Variants in PAX7 observed in about 807,000 individuals in gnomAD.
PAX7 encodes paired box 7.
A neutral mutation model predicts 50.7 loss-of-function variants in PAX7; 18 were observed. That is an observed-to-expected ratio of 0.36 (90% CI 0.25 to 0.53). The LOEUF is 0.53. Among genes scored for constraint, PAX7 ranks in the 20% least tolerant of loss-of-function variants. PAX7 has a pLI of 0.93. For synonymous variants in PAX7, 310 were observed against 290.4 expected (o/e 1.07, Z -0.69); for missense variants, 644 against 702.9 (o/e 0.92, Z 0.95).
chr1:18,732,481 C>A (rs1350825469), intron 7 of PAX7, among the ~76,000 whole-genome samples: 1 of 152,212 alleles, frequency 6.6e-6, no homozygotes, highest in Non-Finnish European at 1.5e-5. Flanking sequence ...CATAGTCCAG[C>A]CCTAGCTCCA....
chr1:18,656,200 T>C (rs2088516831), intron 4 of PAX7, among the ~76,000 whole-genome samples: 1 of 152,156 alleles, frequency 6.6e-6, no homozygotes, highest in Non-Finnish European at 1.5e-5. Flanking sequence ...TGATCTAAAA[T>C]GTAAGAGGCA....
intron 4 of PAX7, among the ~76,000 whole-genome samples, chr1:18,650,040 C>G (rs2100454690): frequency 6.6e-6 from 1 of 152,252 alleles, no homozygotes; most frequent in South Asian, 2.1e-4. Flanking sequence ...AGTGAAAAAA[C>G]AGCCTGTTTC....
intron 7 of PAX7, among the ~76,000 whole-genome samples, chr1:18,708,235 C>T (rs1207791112): frequency 1.3e-5 from 2 of 152,074 alleles, no homozygotes; most frequent in Non-Finnish European, 2.9e-5. Flanking sequence ...GGGCTGAGGG[C>T]CAGTTACTTG....
chr1:18,677,018 C>T (rs1022377455), intron 4 of PAX7, among the ~76,000 whole-genome samples: 1 of 152,210 alleles, frequency 6.6e-6, no homozygotes, highest in African/African-American at 2.4e-5. Flanking sequence ...AGCCAGCCCA[C>T]GGGCTCCTGG....
At chr1:18,692,573 G>A (rs1408322381) in intron 5 of PAX7, among the ~76,000 whole-genome samples, 6 of 152,040 alleles carry the variant, frequency 3.9e-5, no homozygotes, top group Admixed American at 2.6e-4. Context: ...AGGGAGGGAG[G>A]GAGGGCATTA....
At chr1:18,699,808 G>T (rs928672204) in intron 5 of PAX7, among the ~76,000 whole-genome samples, 2 of 151,996 alleles carry the variant, frequency 1.3e-5, no homozygotes, top group Non-Finnish European at 2.9e-5. Flanking sequence ...TGATCCGCCC[G>T]CCTCGGCCTC....
intron 7 of PAX7, among the ~76,000 whole-genome samples, chr1:18,729,762 T>C (rs2089621958): frequency 6.6e-6 from 1 of 152,076 alleles, no homozygotes; most frequent in African/African-American, 2.4e-5. Flanking sequence ...CTTCTTCCTA[T>C]AGGGGAGCAC....
chr1:18,656,074 C>T (rs1023250329), intron 4 of PAX7, among the ~76,000 whole-genome samples: 1 of 152,130 alleles, frequency 6.6e-6, no homozygotes, highest in African/African-American at 2.4e-5. Context: ...ATTGTCATAA[C>T]GGACCCATTT....
chr1:18,725,315 C>T (rs764678529), intron 7 of PAX7, among the ~76,000 whole-genome samples: 2 of 143,946 alleles, frequency 1.4e-5, no homozygotes, highest in Admixed American at 7.1e-5. Flanking sequence ...CCCCCCCCGC[C>T]CCACCAACAC....
In PAX7 at chr1:18,631,359, T is replaced by G. The variant is rs556545953; in HGVS notation, c.-245T>G. On this transcript the variant is annotated 5_prime_UTR_variant, in exon 1 of 9. Coordinates refer to ENST00000420770, the MANE Select transcript of PAX7 (RefSeq NM_001135254.2). Reference sequence around the variant, plus strand: ...GGAGTGTTTGTTTGTTTGAACTTCCTCGTCGTCGCCACCTTCCCTCCCCCC... The same window carrying G: ...GGAGTGTTTGTTTGTTTGAACTTCCGCGTCGTCGCCACCTTCCCTCCCCCC... The G allele has an allele frequency of 8.1e-5, 42 of 515,516 alleles. No individual in the cohort carries two copies. In the Admixed American group the frequency reaches 1.1e-3, roughly 13 times the overall value. 31.9% of individuals were successfully genotyped at this position (515,516 alleles called of 1,614,324 possible).
chr1:18,730,304 G>C (rs2089630477), intron 7 of PAX7, among the ~76,000 whole-genome samples: 1 of 152,170 alleles, frequency 6.6e-6, no homozygotes, highest in African/African-American at 2.4e-5. Flanking sequence ...CTGCAGGAAA[G>C]CCCTTCTGAG....
intron 7 of PAX7, among the ~76,000 whole-genome samples, chr1:18,713,341 A>T (rs2089378942): frequency 6.6e-6 from 1 of 152,184 alleles, no homozygotes; most frequent in South Asian, 2.1e-4. Context: ...TACTTGGCAC[A>T]CAAAATCTTG....
intron 7 of PAX7, among the ~76,000 whole-genome samples, chr1:18,721,432 C>G (rs1349827767): frequency 1.3e-5 from 2 of 152,228 alleles, no homozygotes; most frequent in African/African-American, 4.8e-5. Flanking sequence ...GTTCCTCCCT[C>G]TCCCTCGACC....
At chr1:18,715,945 C>T (rs1200261456) in intron 7 of PAX7, among the ~76,000 whole-genome samples, 1 of 152,134 alleles carries the variant, frequency 6.6e-6, no homozygotes, top group Non-Finnish European at 1.5e-5. Context: ...CACTCATTTC[C>T]CATCTTCTTT....
chr1:18,734,650 G>A (rs894585654), intron 7 of PAX7, among the ~76,000 whole-genome samples: 1 of 152,144 alleles, frequency 6.6e-6, no homozygotes, highest in African/African-American at 2.4e-5. Flanking sequence ...GCCCTCCTCT[G>A]TGTCCTTTGA....
rs777816122 is a variant in PAX7 at position 18,691,767 on chromosome 1, C to T, written c.600C>T (p.Asp200=). 7.6e-6 allele frequency: 12 copies of T among 1,581,506 alleles called. No homozygotes were observed. Among genetic ancestry groups the T allele is most frequent in the African/African-American group, 2.7e-5 (2 of 74,208 alleles). The stretch of plus-strand genomic sequence containing the variant: ...CTCCGGCTGTAGGGAACCGGCTGGA[C>T]GAGGGCTCGGATGTGGAGTCGGAAC... ...GILGDKGNRL[D]EGSDVESEPD... Residue 200 remains aspartate (D), a synonymous_variant, in exon 5 of 9, where the codon GAC becomes GAT. Transcript: ENST00000420770.
chr1:18,670,220 C>T (rs2088723893), intron 4 of PAX7, among the ~76,000 whole-genome samples: 1 of 152,132 alleles, frequency 6.6e-6, no homozygotes, highest in Non-Finnish European at 1.5e-5. Context: ...CCTTGTAGAG[C>T]CATGGCAAGG....
chr1:18,642,545 A>C (rs2088271978), intron 4 of PAX7, among the ~76,000 whole-genome samples: 1 of 152,184 alleles, frequency 6.6e-6, no homozygotes, highest in African/African-American at 2.4e-5. Context: ...TGCAGACTAA[A>C]GGGGTAATTA....
intron 4 of PAX7, among the ~76,000 whole-genome samples, chr1:18,683,432 T>C (rs989887911): frequency 6.6e-6 from 1 of 152,256 alleles, no homozygotes; most frequent in Non-Finnish European, 1.5e-5. Context: ...CATTCATTCA[T>C]GCAACAAATA....
Sources: gnomAD v4.1 joint callset for allele counts (sites outside exome capture counted in the v4.1 genomes callset) on GRCh38, gnomAD v4.1.1 for gene constraint, MANE v1.5 for transcripts, NCBI Gene and HGNC (gene_info 2026-07-23, HGNC 2026-07-21) for gene names.